The following GOLGA8S variants were observed in gnomAD, a reference collection of about 807,000 sequenced individuals.
The protein encoded by GOLGA8S is golgin A8 family member S, also known as golgin subfamily A member 8S.
Under a neutral mutation model 58.9 loss-of-function variants are expected in GOLGA8S, and 23 were observed. The ratio of observed to expected loss-of-function variants is 0.39; its 90% CI spans 0.28 to 0.55. The LOEUF is 0.55. Among genes scored for constraint, GOLGA8S ranks in the 20% least tolerant of loss-of-function variants. The pLI, the probability that GOLGA8S is intolerant of heterozygous loss-of-function variation, is 0.63. For missense variants in GOLGA8S, 266 were observed against 514.2 expected, an observed-to-expected ratio of 0.52 and a Z score of 4.67; for synonymous variants, 84 against 195.7, an observed-to-expected ratio of 0.43 and a Z score of 4.76.
intron 4 of GOLGA8S, among the ~76,000 whole-genome samples, chr15:23,358,229 A>G (rs558615623): frequency 7.3e-4 from 111 of 152,208 alleles, no homozygotes; most frequent in Admixed American, 7.0e-3. Flanking sequence ...AGAGGTTTAT[A>G]TTGCTGTCCT....
At chr15:23,365,112 G>C in exon 19 of GOLGA8S, 1 of 1,587,870 alleles carries the variant, frequency 6.3e-7, no homozygotes, top group East Asian at 2.2e-5. Context: ...TGCTGGGCTT[G>C]GCTGCCAAGA....
At chr15:23,362,162 T>C (rs1034837369) in intron 13 of GOLGA8S, among the ~76,000 whole-genome samples, 1 of 149,764 alleles carries the variant, frequency 6.7e-6, no homozygotes, top group African/African-American at 2.5e-5. Context: ...GAGTTTGAGA[T>C]CAGCCTGGCC....
At chr15:23,362,649 C>T (rs2069821650) in intron 13 of GOLGA8S, among the ~76,000 whole-genome samples, 2 of 139,992 alleles carry the variant, frequency 1.4e-5, no homozygotes, top group Admixed American at 7.1e-5. Flanking sequence ...GGGAAGAGGA[C>T]ATGAGATTTG....
exon 17 of GOLGA8S, chr15:23,364,559 C>A (rs1478609839): frequency 2.5e-6 from 4 of 1,587,408 alleles, no homozygotes; most frequent in South Asian, 1.1e-5. Flanking sequence ...AACCAGGGGG[C>A]CGTGCCAAAG....
downstream of GOLGA8S, chr15:23,367,362 T>G (rs1270591074): frequency 6.5e-3 from 763 of 118,000 alleles, no homozygotes; most frequent in Middle Eastern, 0.016. Context: ...ATAAATTATT[T>G]CAAAGGTACT....
At chr15:23,365,147 T>C, downstream of GOLGA8S, 3 of 1,586,144 alleles carry the variant, frequency 1.9e-6, no homozygotes, top group Non-Finnish European at 2.6e-6. Flanking sequence ...ATCACCATCA[T>C]CAAAGAGCTG....
exon 11 of GOLGA8S, chr15:23,360,793 G>C (rs1436462520): frequency 1.4e-6 from 2 of 1,437,978 alleles, no homozygotes; most frequent in Non-Finnish European, 2.0e-6. Flanking sequence ...AGAGGAGCTT[G>C]TCCAAACTCA....
At chr15:23,360,735 C>T (rs1412251841) in exon 11 of GOLGA8S, 8 of 1,088,288 alleles carry the variant, frequency 7.4e-6, no homozygotes, top group Non-Finnish European at 1.1e-5. Flanking sequence ...CAGGTTTGCT[C>T]GTTGAAGAAG....
exon 16 of GOLGA8S, chr15:23,364,394 A>G (rs185499526): frequency 0.015 from 23,333 of 1,603,498 alleles, 583 homozygotes; most frequent in Admixed American, 0.099. Context: ...TGAGCTGGTG[A>G]AGAAACAAGA....
Position 23,364,520 on chromosome 15 carries a change from C to G in GOLGA8S, c.1449-6C>G, listed in dbSNP as rs1169499668. 2 of 1,602,936 alleles carry G rather than the reference C, an allele frequency of 1.2e-6. No individual in the cohort carries two copies. The highest frequency in any genetic ancestry group is 8.5e-7 in the Non-Finnish European group (1 of 1,178,756). ...GCCCCAGCGTCTGAGCCCTGTCCTC[C>G]CGCAGGAAAATCCATCACCTTTTAT... On this transcript the variant is annotated splice_region_variant and splice_polypyrimidine_tract_variant and intron_variant, in intron 16 of 18. Transcript: ENST00000562295.
At chr15:23,368,204 G>T (rs540232188), downstream of GOLGA8S, among the ~76,000 whole-genome samples, 19 of 152,022 alleles carry the variant, frequency 1.2e-4, 2 homozygotes, top group South Asian at 3.6e-3. Context: ...TTACCAGTTT[G>T]TGAATTCTTG....
At chr15:23,367,981 A>G (rs902530507), downstream of GOLGA8S, among the ~76,000 whole-genome samples, 2 of 151,986 alleles carry the variant, frequency 1.3e-5, no homozygotes, top group African/African-American at 2.4e-5. Flanking sequence ...CCTATCCATA[A>G]TATAGTTTCT....
At chr15:23,364,316 G>A (rs777743024) in intron 15 of GOLGA8S, 27 bp from the exon 16 acceptor site, 1 of 1,597,976 alleles carries the variant, frequency 6.3e-7, no homozygotes, top group African/African-American at 1.3e-5. Flanking sequence ...TCGCTGCCGA[G>A]ATGTGACTAC....
chr15:23,355,029 A>G lies in GOLGA8S; in HGVS notation c.48+136A>G, dbSNP rs1596013847. On this transcript the variant is annotated intron_variant, in intron 1 of 18. Coordinates refer to ENST00000562295, the Ensembl canonical transcript of GOLGA8S. ...ACACCAGTGCCTCTGGGCTACCCCCACCAAAGTTTTGCCAGTCAGCCCCAC... is the reference window on the plus strand; with the variant it reads ...ACACCAGTGCCTCTGGGCTACCCCCGCCAAAGTTTTGCCAGTCAGCCCCAC... The G allele has an allele frequency of 1.3e-5, 5 of 386,656 alleles. 1 individual carries two copies. In the East Asian group the frequency reaches 2.0e-4, roughly 16 times the overall value. 24.0% of individuals were successfully genotyped at this position (386,656 alleles called of 1,614,324 possible).
intron 10 of GOLGA8S, 23 bp from the exon 11 acceptor site, chr15:23,360,705 C>CT: frequency 9.2e-7 from 1 of 1,081,696 alleles, no homozygotes; most frequent in Non-Finnish European, 1.4e-6. Flanking sequence ...CTCCAGGGCC[C>CT]TTTCCCCCTG....
chr15:23,364,488 C>G (rs528317891), intron 16 of GOLGA8S, 38 bp from the exon 17 acceptor site: 10 of 1,590,396 alleles, frequency 6.3e-6, no homozygotes, highest in Non-Finnish European at 7.7e-6. Flanking sequence ...ACAGGGCCGT[C>G]GGAGGGGCCC....
At position 23,360,890 on chromosome 15, in the gene GOLGA8S, C is replaced by T. The variant is rs542365473; in HGVS notation, c.874+75C>T. On this transcript the variant is annotated intron_variant, in intron 11 of 18. Coordinates refer to ENST00000562295, the Ensembl canonical transcript of GOLGA8S. Reference sequence around the variant, plus strand: ...GTGAGGGTGGCTTGGAGTGCCCCAGCGAGGTGGGTGGATGGAAGGGCTTTG... The same window carrying T: ...GTGAGGGTGGCTTGGAGTGCCCCAGTGAGGTGGGTGGATGGAAGGGCTTTG... 72 of 896,590 alleles carry T rather than the reference C, an allele frequency of 8.0e-5. 2 individuals carry two copies. The highest frequency in any genetic ancestry group is 7.9e-4 in the East Asian group (33 of 41,680). 55.5% of individuals were successfully genotyped at this position (896,590 alleles called of 1,614,324 possible). A position where few individuals can be genotyped will look rare whatever the true frequency, so the allele number is the denominator to read the frequency against.
In GOLGA8S at chr15:23,361,469, A is replaced by C. The variant is rs1237650538; in HGVS notation, c.1110+13A>C. 2.6e-6 allele frequency: 2 copies of C among 773,112 alleles called. No homozygotes were observed. Among genetic ancestry groups the C allele is most frequent in the African/African-American group, 3.4e-5 (2 of 57,998 alleles). 47.9% of individuals were successfully genotyped at this position (773,112 alleles called of 1,614,324 possible). Reference sequence around the variant, plus strand: ...CTTCAAGGAGCTGGTGCGTTGCCCCAGCTGGGGAGCCTGCCCTCCTCCCTA... The same window carrying C: ...CTTCAAGGAGCTGGTGCGTTGCCCCCGCTGGGGAGCCTGCCCTCCTCCCTA... On this transcript the variant is annotated intron_variant, in intron 12 of 18. Transcript: ENST00000562295.
Position 23,358,196 on chromosome 15 carries a change from G to T in GOLGA8S, c.310-276G>T, listed in dbSNP as rs1400097550. On this transcript the variant is annotated intron_variant, in intron 4 of 18. Coordinates refer to ENST00000562295, the Ensembl canonical transcript of GOLGA8S. ...TAAATCACAAGCTGGCAGAAGGGGGGGCCTTTCTCAAACTCCATCTCTAGA... is the reference window on the plus strand; with the variant it reads ...TAAATCACAAGCTGGCAGAAGGGGGTGCCTTTCTCAAACTCCATCTCTAGA... Among the ~76,000 whole-genome samples, 8 of 152,400 alleles carry T rather than the reference G, an allele frequency of 5.2e-5. No individual in the cohort carries two copies. In the South Asian group the frequency reaches 1.7e-3, roughly 32 times the overall value.
Sources: allele counts gnomAD v4.1 joint callset (sites outside exome capture counted in the v4.1 genomes callset), GRCh38; gene constraint gnomAD v4.1.1; transcripts MANE v1.5; gene names NCBI Gene and HGNC (gene_info 2026-07-23, HGNC 2026-07-21).